AFAP1: variants seen among roughly 807,000 people sequenced by gnomAD.
AFAP1 encodes the protein actin filament associated protein 1.
In AFAP1, 75 loss-of-function variants were observed where a neutral mutation model predicts 93.9. The ratio of observed to expected loss-of-function variants is 0.80; its 90% CI spans 0.66 to 0.97. AFAP1 has a LOEUF of 0.97. AFAP1 is among the 50% of genes least tolerant of loss of function. The pLI is 0.00. For missense variants in AFAP1, 1,201 were observed against 1,050.8 expected (o/e 1.14, Z -1.98); for synonymous variants, 517 against 430.7 (o/e 1.20, Z -2.48).
At chr4:7,785,449 T>A (rs1717171037) in intron 12 of AFAP1, among the ~76,000 whole-genome samples, 1 of 152,208 alleles carries the variant, frequency 6.6e-6, no homozygotes, top group Non-Finnish European at 1.5e-5. Flanking sequence ...GCTGTCGAAT[T>A]TGTAATGTGG....
intron 6 of AFAP1, among the ~76,000 whole-genome samples, chr4:7,829,307 AG>A (rs1200201732): frequency 6.6e-6 from 1 of 152,242 alleles, no homozygotes; most frequent in Admixed American, 6.5e-5. Flanking sequence ...GAACTTAAGA[AG>A]CAATTATAAA....
rs1360243886 is a variant in AFAP1 at position 7,939,690 on chromosome 4, C to T, written c.-37G>A. ...CCACCTCGCAGCGCTCGCTCCTCGC[C>T]GCGGCGCCTGGGCCGACTGGAGCGC... is the stretch of plus-strand genomic sequence containing the variant. On this transcript the variant is annotated 5_prime_UTR_variant, in exon 1 of 18. Transcript: ENST00000420658. This position sits in a 1 kb window ranked among gnomAD's most constrained non-coding sequence, Gnocchi z 5.6. 3 of 416,372 alleles carry T rather than the reference C, an allele frequency of 7.2e-6. No homozygotes were observed. The highest frequency in any genetic ancestry group is 5.2e-5 in the Admixed American group (2 of 38,172). 25.8% of individuals were successfully genotyped at this position (416,372 alleles called of 1,614,324 possible). A position where few individuals can be genotyped will look rare whatever the true frequency, so the allele number is the denominator to read the frequency against.
rs1560181348 is a variant in AFAP1, at chr4:7,823,445, G to A, written c.727-4274C>T. 1.2e-4 allele frequency among the ~76,000 whole-genome samples: 18 copies of A among 146,486 alleles called. 1 individual carries two copies. The South Asian group carries it at 4.2e-3, about 34-fold the overall frequency. The stretch of plus-strand genomic sequence containing the variant: ...TCAAGAGGAAAAAGTGTTGTTTTGT[G>A]TGTTTTTTAAAGGAAAGTAGATAAA... On this transcript the variant is annotated intron_variant, in intron 6 of 17. Coordinates refer to ENST00000420658, the MANE Select transcript of AFAP1 (RefSeq NM_001134647.2).
chr4:7,850,057 G>C (rs554093490), intron 4 of AFAP1, among the ~76,000 whole-genome samples: 1 of 152,296 alleles, frequency 6.6e-6, no homozygotes, highest in African/African-American at 2.4e-5. Context: ...AGTGGGATGG[G>C]ATGCCACGAG....
chr4:7,859,203 A>T (rs1411647964), intron 3 of AFAP1, among the ~76,000 whole-genome samples: 1 of 152,130 alleles, frequency 6.6e-6, no homozygotes. Context: ...GGCAGATCAC[A>T]AGGTCAAGAG....
At chr4:7,863,485 T>C (rs1426557711) in intron 3 of AFAP1, among the ~76,000 whole-genome samples, 5 of 152,318 alleles carry the variant, frequency 3.3e-5, no homozygotes, top group East Asian at 1.9e-4. Flanking sequence ...CCACAGTTTT[T>C]TGAATAGATG....
chr4:7,846,585 A>G (rs1048728053), intron 4 of AFAP1, among the ~76,000 whole-genome samples: 8 of 152,244 alleles, frequency 5.3e-5, no homozygotes, highest in Non-Finnish European at 1.2e-4. Context: ...AATGAAGTAA[A>G]GATTTAATGA....
At chr4:7,885,624 C>T (rs1209439519) in intron 1 of AFAP1, among the ~76,000 whole-genome samples, 2 of 152,252 alleles carry the variant, frequency 1.3e-5, no homozygotes, top group African/African-American at 2.4e-5. Context: ...AAGAACATGA[C>T]ACTCAGTATA....
At chr4:7,878,312 G>A (rs530061964) in intron 1 of AFAP1, among the ~76,000 whole-genome samples, 30 of 152,326 alleles carry the variant, frequency 2.0e-4, no homozygotes, top group Non-Finnish European at 3.5e-4. Flanking sequence ...AGCTATTGCT[G>A]TTTCTTACCA....
chr4:7,898,579 G>A (rs1271164598), intron 1 of AFAP1, among the ~76,000 whole-genome samples: 2 of 150,322 alleles, frequency 1.3e-5, no homozygotes, highest in African/African-American at 4.9e-5. Context: ...GAGCATACGG[G>A]AATTCTCTGT....
intron 1 of AFAP1, among the ~76,000 whole-genome samples, chr4:7,880,325 G>A (rs2149195640): frequency 7.0e-6 from 1 of 143,514 alleles, no homozygotes; most frequent in South Asian, 2.2e-4. Flanking sequence ...TGTCACCCAG[G>A]CTGGAGTACA....
At chr4:7,850,430 G>A (rs1358118103) in intron 4 of AFAP1, among the ~76,000 whole-genome samples, 1 of 152,186 alleles carries the variant, frequency 6.6e-6, no homozygotes, top group African/African-American at 2.4e-5. Flanking sequence ...CCCTGGAGGA[G>A]GGAGAGGGAA....
intron 1 of AFAP1, among the ~76,000 whole-genome samples, chr4:7,921,734 T>C (rs990827879): frequency 1.3e-5 from 2 of 152,222 alleles, no homozygotes; most frequent in Non-Finnish European, 2.9e-5. Context: ...CAACTCAGCA[T>C]TGATTAATCC....
At chr4:7,918,965 T>TCGGCCCAGGTCACCAAGAAACAGGGCTGC (rs1560236333) in intron 1 of AFAP1, among the ~76,000 whole-genome samples, 3 of 31,040 alleles carry the variant, frequency 9.7e-5, no homozygotes, top group African/African-American at 5.9e-4. Flanking sequence ...AACAGGGCTG[T>TCGGCCCAGGTCACCAAGAAACAGGGCTGC]TGGAAGAGAC....
rs181985794 is a variant in AFAP1, at chr4:7,928,546, C to T, written c.-3+11110G>A. Reference sequence around the variant, plus strand: ...GGGACTACAGGCACGCACCACCACACCCAGCTAATTTTTGTGTTTTTAGTA... The same window carrying T: ...GGGACTACAGGCACGCACCACCACATCCAGCTAATTTTTGTGTTTTTAGTA... On this transcript the variant is annotated intron_variant, in intron 1 of 17. Transcript: ENST00000420658. 2.6e-5 allele frequency among the ~76,000 whole-genome samples: 4 copies of T among 152,268 alleles called. No homozygotes were observed. In the East Asian group the frequency reaches 7.7e-4, roughly 29 times the overall value.
chr4:7,799,692 TAAAG>T (rs1010058881), intron 10 of AFAP1, among the ~76,000 whole-genome samples: 1 of 151,590 alleles, frequency 6.6e-6, no homozygotes, highest in African/African-American at 2.4e-5. Flanking sequence ...GACTCAGAAA[TAAAG>T]GGAAAAATCA....
chr4:7,869,127 A>G (rs1716780879), intron 2 of AFAP1, among the ~76,000 whole-genome samples: 1 of 151,552 alleles, frequency 6.6e-6, no homozygotes, highest in Non-Finnish European at 1.5e-5. Flanking sequence ...GAAAGAAAAG[A>G]GAAAAAAGAA....
At chr4:7,778,724 T>C (rs983238090) in intron 14 of AFAP1, 38 bp downstream of exon 14, 4 of 1,595,168 alleles carry the variant, frequency 2.5e-6, no homozygotes, top group Non-Finnish European at 2.6e-6. Context: ...CCAAGTGCAC[T>C]TGAAGCCGGA....
chr4:7,766,758 T>C (rs1006172794), intron 17 of AFAP1, among the ~76,000 whole-genome samples: 2 of 152,094 alleles, frequency 1.3e-5, no homozygotes, highest in Non-Finnish European at 2.9e-5. Flanking sequence ...TGGATGGCCC[T>C]TGGCACACGG....
Sources: gnomAD v4.1 joint callset for allele counts (sites outside exome capture counted in the v4.1 genomes callset) on GRCh38, gnomAD v4.1.1 for gene constraint, Gnocchi (gnomAD v3.1) non-coding constraint, MANE v1.5 for transcripts, NCBI Gene and HGNC (gene_info 2026-07-23, HGNC 2026-07-21) for gene names.